PDAP1: variants seen among roughly 807,000 people sequenced by gnomAD.
PDAP1 encodes PDGFA associated protein 1, also known as 28 kDa heat- and acid-stable phosphoprotein.
Under a neutral mutation model 28.0 loss-of-function variants are expected in PDAP1, and 13 were observed. The ratio of observed to expected loss-of-function variants is 0.46; its 90% confidence interval spans 0.30 to 0.74. The LOEUF is 0.74. PDAP1 is among the 30% of genes least tolerant of loss of function. PDAP1 has a pLI of 0.07. For synonymous variants in PDAP1, 77 were observed against 85.1 expected (o/e 0.91, Z 0.52); for missense variants, 150 against 230.0 (o/e 0.65, Z 2.25).
At chr7:99,406,288 A>T (rs1310457546) in intron 1 of PDAP1, among the ~76,000 whole-genome samples, 2 of 150,274 alleles carry the variant, frequency 1.3e-5, no homozygotes, top group Non-Finnish European at 2.9e-5. Context: ...TTTCCCTCTA[A>T]TCTAGTATTT....
intron 1 of PDAP1, 106 bp from the exon 2 acceptor site, chr7:99,405,059 C>T: frequency 1.3e-6 from 1 of 760,704 alleles, no homozygotes; most frequent in South Asian, 1.6e-5. Context: ...GCCTCACCTA[C>T]CCCTCACCCA....
chr7:99,404,822 C>A (rs757890990), intron 2 of PDAP1, 40 bp downstream of exon 2: 1 of 1,542,182 alleles, frequency 6.5e-7, no homozygotes, highest in Non-Finnish European at 8.9e-7. Context: ...CAAAGCGCCA[C>A]CCTGGGCCAC....
At chr7:99,401,283 T>G (rs1183849097) in intron 3 of PDAP1, among the ~76,000 whole-genome samples, 1 of 152,158 alleles carries the variant, frequency 6.6e-6, no homozygotes, top group South Asian at 2.1e-4. Context: ...CAGCTTAAAT[T>G]TGTCCACTCT....
intron 1 of PDAP1, among the ~76,000 whole-genome samples, chr7:99,405,731 A>T: frequency 6.6e-6 from 1 of 152,086 alleles, no homozygotes; most frequent in East Asian, 1.9e-4. Flanking sequence ...CATTTCATAG[A>T]CCAGGAGACT....
intron 4 of PDAP1, 99 bp downstream of exon 4, chr7:99,400,203 TA>T: frequency 7.3e-7 from 1 of 1,366,110 alleles, no homozygotes; most frequent in Non-Finnish European, 1.0e-6. Flanking sequence ...GAGACAGAAA[TA>T]AACAGCCACA....
rs546602764 is a variant in PDAP1 at position 99,407,786 on chromosome 7, G to A, written c.13+750C>T. Among the ~76,000 whole-genome samples the A allele has an allele frequency of 7.2e-5, 11 of 152,226 alleles. No homozygotes were observed. The South Asian group carries it at 2.1e-3, about 29-fold the overall frequency. The stretch of plus-strand genomic sequence containing the variant: ...TAAAGGGGGAAACAGGATAGAGAAC[G>A]GGCTAGAAGATAGAGGACGGGCTAC... On this transcript the variant is annotated intron_variant, in intron 1 of 5. Coordinates refer to ENST00000350498, the MANE Select transcript of PDAP1 (RefSeq NM_014891.7).
chr7:99,394,879 C>T lies in PDAP1; in HGVS notation c.*1803G>A. On this transcript the variant is annotated 3_prime_UTR_variant, in exon 6 of 6. Coordinates refer to ENST00000350498, the MANE Select transcript of PDAP1 (RefSeq NM_014891.7). ...TTGGGGTCTTGCTAAGTTTTCCAGG[C>T]TGCACTAGAACTCGTGGGAGCAATC... 1 of 1,154,618 alleles carries T rather than the reference C, an allele frequency of 8.7e-7. No homozygotes were observed. Among genetic ancestry groups the T allele is most frequent in the Non-Finnish European group, 1.1e-6 (1 of 920,768 alleles). 71.5% of individuals were successfully genotyped at this position (1,154,618 alleles called of 1,614,324 possible).
chr7:99,408,429 G>A, intron 1 of PDAP1, 107 bp downstream of exon 1: 1 of 1,044,772 alleles, frequency 9.6e-7, no homozygotes, highest in Non-Finnish European at 1.2e-6. Flanking sequence ...GGTGCGGACA[G>A]CCTCCCTCTG....
At chr7:99,402,713 T>A (rs1257253177) in intron 3 of PDAP1, among the ~76,000 whole-genome samples, 1 of 150,610 alleles carries the variant, frequency 6.6e-6, no homozygotes, top group East Asian at 1.9e-4. Context: ...AAACCCTGTC[T>A]CTACTAAAAA....
chr7:99,404,684 C>T (rs1794936810), intron 2 of PDAP1, among the ~76,000 whole-genome samples, 178 bp downstream of exon 2: 1 of 152,118 alleles, frequency 6.6e-6, no homozygotes. Flanking sequence ...CAGAGGATGC[C>T]CACGCCCTGA....
intron 1 of PDAP1, among the ~76,000 whole-genome samples, chr7:99,406,051 C>A (rs1394783058): frequency 6.6e-6 from 1 of 152,184 alleles, no homozygotes; most frequent in African/African-American, 2.4e-5. Context: ...CAGTTCAAGA[C>A]CAGCCTGGTC....
chr7:99,397,102 A>G (rs1056349793), intron 5 of PDAP1, among the ~76,000 whole-genome samples: 6 of 152,156 alleles, frequency 3.9e-5, no homozygotes, highest in Admixed American at 1.3e-4. Context: ...CAACAGTTAC[A>G]TGTGAAGTCC....
rs1794749131 is a variant in PDAP1, at chr7:99,395,989, GATA to G, written c.*690_*692del. On this transcript the variant is annotated 3_prime_UTR_variant, in exon 6 of 6. Transcript: ENST00000350498. ...GATGGATTGCCAAAACAAAGATTAC[GATA>G]ATGTCAAGTTTAATCTGCCAAATAT... 1 of 152,862 alleles carries G rather than the reference GATA, an allele frequency of 6.5e-6. No individual in the cohort carries two copies. Among genetic ancestry groups the G allele is most frequent in the African/African-American group, 2.4e-5 (1 of 41,460 alleles). 9.5% of individuals were successfully genotyped at this position (152,862 alleles called of 1,614,324 possible). A position where few individuals can be genotyped will look rare whatever the true frequency, so the allele number is the denominator to read the frequency against.
rs757857148 is a variant in PDAP1, at chr7:99,397,959, G to C, written c.390C>G (p.Ala130=). The part of the protein sequence containing the change: ...AKERYMKMHL[A]GKTEQAKADL... Reference sequence around the variant, plus strand: ...CAGCCTTGGCTTGCTCTGTCTTCCCGGCCAAGTGCATTTTCATGTAACGCT... The same window carrying C: ...CAGCCTTGGCTTGCTCTGTCTTCCCCGCCAAGTGCATTTTCATGTAACGCT... The change falls in exon 5 of 6, where the codon GCC becomes GCG. Residue 130 remains alanine, a synonymous_variant. Coordinates refer to ENST00000350498, the MANE Select transcript of PDAP1 (RefSeq NM_014891.7). 6.2e-7 allele frequency: 1 copy of C among 1,614,200 alleles called. No individual in the cohort carries two copies. The highest frequency in any genetic ancestry group is 8.5e-7 in the Non-Finnish European group (1 of 1,180,012).
In PDAP1 at chr7:99,396,744, A is replaced by G. The variant is rs987808070; in HGVS notation, c.488-4T>C. 4 of 1,602,296 alleles carry G rather than the reference A, an allele frequency of 2.5e-6. No homozygotes were observed. The highest frequency in any genetic ancestry group is 3.3e-5 in the Admixed American group (2 of 59,940). On this transcript the variant is annotated splice_region_variant and splice_polypyrimidine_tract_variant and intron_variant, in intron 5 of 5. Coordinates refer to ENST00000350498, the MANE Select transcript of PDAP1 (RefSeq NM_014891.7). ...GACAATGTGGCATCGTCTTTTGCTG[A>G]GGGGTGGGAGAAGGGCAGGGGTTAA...
At chr7:99,400,848 T>C (rs2072181) in intron 3 of PDAP1, among the ~76,000 whole-genome samples, 53,225 of 152,052 alleles carry the variant, frequency 0.35, 15,789 homozygotes, top group African/African-American at 0.81. Context: ...CTGTCATGAC[T>C]AATTCCAATT....
At chr7:99,408,495 C>T (rs1795031981) in intron 1 of PDAP1, 41 bp downstream of exon 1, 9 of 1,344,784 alleles carry the variant, frequency 6.7e-6, no homozygotes, top group Non-Finnish European at 7.7e-6. Context: ...GGACCTGGGC[C>T]GCCCCTCCAG....
intron 1 of PDAP1, among the ~76,000 whole-genome samples, chr7:99,405,935 G>A (rs921711653): frequency 2.6e-5 from 4 of 152,178 alleles, no homozygotes; most frequent in Non-Finnish European, 4.4e-5. Flanking sequence ...AACAGTGCCT[G>A]CTACTGAATA....
At chr7:99,402,898 AAAAG>A (rs1359591134) in intron 3 of PDAP1, among the ~76,000 whole-genome samples, 1,265 of 124,828 alleles carry the variant, frequency 0.01, 24 homozygotes, top group African/African-American at 0.051. Context: ...AAAAAAAAAG[AAAAG>A]AAAAGAAAAG....
Sources: allele counts gnomAD v4.1 joint callset (sites outside exome capture counted in the v4.1 genomes callset), GRCh38; gene constraint gnomAD v4.1.1; transcripts MANE v1.5; gene names NCBI Gene and HGNC (gene_info 2026-07-23, HGNC 2026-07-21).